Variants in STOX1 observed in about 807,000 individuals in gnomAD.
The protein encoded by STOX1 is storkhead box 1.
Under a neutral mutation model 74.8 loss-of-function variants are expected in STOX1, and 57 were observed. The ratio of observed to expected loss-of-function variants is 0.76; its 90% CI spans 0.62 to 0.95. The LOEUF (loss-of-function observed/expected upper bound fraction) is 0.95. Among genes scored for constraint, STOX1 ranks in the 40% least tolerant of loss-of-function variants. The probability of loss-of-function intolerance (pLI) is 0.00; values close to 1 mark genes in which losing one functional copy is unlikely to be tolerated. For synonymous variants in STOX1, 375 were observed against 401.3 expected, an observed-to-expected ratio of 0.93 and a Z score of 0.78; for missense variants, 1,010 against 1,117.0, an observed-to-expected ratio of 0.90 and a Z score of 1.37.
intron 1 of STOX1, among the ~76,000 whole-genome samples, chr10:68,873,626 T>TC (rs1459010339): frequency 6.7e-6 from 1 of 149,162 alleles, no homozygotes; most frequent in African/African-American, 2.5e-5. Context: ...GTCCTTTTTT[T>TC]TTCTTCTTCT....
rs561054324 is a variant in STOX1 at position 68,855,428 on chromosome 10, T to A, written c.311-26530T>A. Reference sequence around the variant, plus strand: ...GAGCCACGGTGCCTGGCCAAAAAAATTTTTTTAACTCTTAAAGACTTGTTT... The same window carrying A: ...GAGCCACGGTGCCTGGCCAAAAAAAATTTTTTAACTCTTAAAGACTTGTTT... On this transcript the variant is annotated intron_variant, in intron 1 of 3. Transcript: ENST00000298596. Among the ~76,000 whole-genome samples, 41 of 149,832 alleles carry A rather than the reference T, an allele frequency of 2.7e-4. 1 individual carries two copies. Among genetic ancestry groups the A allele is most frequent in the South Asian group, 2.1e-3 (10 of 4,730 alleles).
In STOX1 at chr10:68,884,698, A is replaced by G; in HGVS notation, c.902A>G (p.Tyr301Cys). The G allele has an allele frequency of 6.2e-7, 1 of 1,614,178 alleles. No individual in the cohort carries two copies. Among genetic ancestry groups the G allele is most frequent in the African/African-American group, 1.3e-5 (1 of 75,040 alleles). Reference protein sequence around the residue: ...HICESTKPLPYTRDKEKGKKF... With the variant: ...HICESTKPLPCTRDKEKGKKF... ...TGTGAGAGCACCAAACCTTTACCAT[A>G]CACAAGAGATAAAGAAAAAGGCAAG... The change falls in exon 3 of 4, where the codon TAC becomes TGC. Residue 301 changes from tyrosine to cysteine, a missense_variant. Coordinates refer to ENST00000298596, the MANE Select transcript of STOX1 (RefSeq NM_152709.5).
intron 1 of STOX1, chr10:68,828,318 G>A: frequency 1.8e-6 from 2 of 1,138,832 alleles, no homozygotes; most frequent in Non-Finnish European, 2.2e-6. Flanking sequence ...AGCTGTGAGC[G>A]CGGAGCTCCG....
intron 1 of STOX1, among the ~76,000 whole-genome samples, chr10:68,857,490 G>C (rs778094812): frequency 1.1e-4 from 17 of 152,010 alleles, no homozygotes; most frequent in Middle Eastern, 3.2e-3. Flanking sequence ...CCAAGGTCCT[G>C]GGCCTCATTT....
At chr10:68,880,762 G>A (rs566091124) in intron 1 of STOX1, among the ~76,000 whole-genome samples, 4 of 151,828 alleles carry the variant, frequency 2.6e-5, no homozygotes, top group Non-Finnish European at 4.4e-5. Flanking sequence ...GCGCCATCTC[G>A]GCTCACTGCA....
intron 1 of STOX1, among the ~76,000 whole-genome samples, chr10:68,872,726 G>A (rs1840566016): frequency 6.6e-6 from 1 of 152,084 alleles, no homozygotes. Flanking sequence ...GGATGTGGGT[G>A]CTTTTTGAAT....
At position 68,886,335 on chromosome 10, in the gene STOX1, T is replaced by C; in HGVS notation, c.2539T>C (p.Ser847Pro). Residue 847 changes from serine (S) to proline (P), a missense_variant, in exon 3 of 4, where the codon TCA (serine) becomes CCA (proline). By Grantham distance (74) the Ser-to-Pro change is moderately conservative. Coordinates refer to ENST00000298596, the MANE Select transcript of STOX1 (RefSeq NM_152709.5). ...CAGTGTTGCTAAATGTGTACAGGCC[T>C]CAGCACCTGCTGATGAAAGAATCTT... is the stretch of plus-strand genomic sequence containing the variant. Reference protein sequence around the residue: ...EPSVAKCVQASAPADERIFDY... With the variant: ...EPSVAKCVQAPAPADERIFDY... The C allele has an allele frequency of 6.2e-7, 1 of 1,614,188 alleles. No individual in the cohort carries two copies. Among genetic ancestry groups the C allele is most frequent in the Non-Finnish European group, 8.5e-7 (1 of 1,180,024 alleles).
At chr10:68,844,291 CTTCTTTTTTTTTTT>C (rs1426378276) in intron 1 of STOX1, among the ~76,000 whole-genome samples, 1 of 87,204 alleles carries the variant, frequency 1.1e-5, no homozygotes, top group Non-Finnish European at 2.4e-5. Context: ...ATGTCTGGAT[CTTCTTTTTTTTTTT>C]TTTTTTTTTT....
chr10:68,873,656 TTTTTTTTTTC>T (rs1176688795), intron 1 of STOX1, among the ~76,000 whole-genome samples: 6 of 143,346 alleles, frequency 4.2e-5, no homozygotes, highest in Non-Finnish European at 6.1e-5. Context: ...TTTTTCTTTT[TTTTTTTTTTC>T]TTTTTTTTGA....
At position 68,885,781 on chromosome 10, in the gene STOX1, C is replaced by A; in HGVS notation, c.1985C>A (p.Thr662Lys). 6.2e-7 allele frequency: 1 copy of A among 1,614,102 alleles called. No individual in the cohort carries two copies. The highest frequency in any genetic ancestry group is 8.5e-7 in the Non-Finnish European group (1 of 1,180,042). ...TCTGCTTGTAGATTAGTGGATAACA[C>A]AATACACCAGTTTCAAAATCTTGGC... ...TPSACRLVDN[T>K]IHQFQNLGLL... The change falls in exon 3 of 4, where the codon ACA becomes AAA. Residue 662 changes from threonine to lysine, a missense_variant. Physicochemically the swap from Thr to Lys is moderately conservative, Grantham distance 78. Transcript: ENST00000298596.
chr10:68,849,379 A>G (rs1839926371), intron 1 of STOX1, among the ~76,000 whole-genome samples: 2 of 152,186 alleles, frequency 1.3e-5, no homozygotes, highest in African/African-American at 4.8e-5. Context: ...CTCTTAGGCC[A>G]GTAATTCCCG....
intron 1 of STOX1, among the ~76,000 whole-genome samples, chr10:68,838,508 C>G (rs1451200592): frequency 6.6e-6 from 1 of 152,120 alleles, no homozygotes; most frequent in East Asian, 1.9e-4. Flanking sequence ...TATGTAAGAT[C>G]ATGTCATCTG....
At chr10:68,831,929 CTT>C (rs75873763) in intron 1 of STOX1, among the ~76,000 whole-genome samples, 24 of 143,276 alleles carry the variant, frequency 1.7e-4, no homozygotes, top group Non-Finnish European at 9.1e-5. Flanking sequence ...CTTTTCTTTT[CTT>C]TTTTTTTTTT....
intron 3 of STOX1, among the ~76,000 whole-genome samples, chr10:68,891,367 A>T (rs10998474): frequency 0.011 from 1,679 of 152,348 alleles, 33 homozygotes; most frequent in African/African-American, 0.038. Context: ...AGAACAAAGC[A>T]TGAGACTTTA....
At chr10:68,833,125 G>A (rs1212098411) in intron 1 of STOX1, among the ~76,000 whole-genome samples, 3 of 132,498 alleles carry the variant, frequency 2.3e-5, no homozygotes, top group South Asian at 2.3e-4. Context: ...TCACTCTGTC[G>A]CCCAGGCTGG....
intron 1 of STOX1, among the ~76,000 whole-genome samples, chr10:68,855,411 G>A (rs1840096260): frequency 6.6e-6 from 1 of 151,300 alleles, no homozygotes; most frequent in Non-Finnish European, 1.5e-5. Context: ...ATGAGCCACG[G>A]TGCCTGGCCA....
chr10:68,860,960 G>C (rs932044751), intron 1 of STOX1, among the ~76,000 whole-genome samples: 1 of 152,102 alleles, frequency 6.6e-6, no homozygotes, highest in African/African-American at 2.4e-5. Flanking sequence ...TGTAATCCCA[G>C]CTCTTTGGGA....
At chr10:68,872,512 ATTTTTGTAAT>A (rs992991226) in intron 1 of STOX1, among the ~76,000 whole-genome samples, 16 of 151,708 alleles carry the variant, frequency 1.1e-4, no homozygotes, top group African/African-American at 3.6e-4. Context: ...CGCCCAGCTA[ATTTTTGTAAT>A]TTTTAGTAGA....
intron 1 of STOX1, among the ~76,000 whole-genome samples, chr10:68,843,300 G>A (rs565526783): frequency 2.1e-4 from 32 of 152,276 alleles, no homozygotes; most frequent in Admixed American, 7.8e-4. Context: ...CCAAAGTGCT[G>A]GGATTATAGC....
Sources: allele counts gnomAD v4.1 joint callset (sites outside exome capture counted in the v4.1 genomes callset), GRCh38; gene constraint gnomAD v4.1.1; transcripts MANE v1.5; gene names NCBI Gene and HGNC (gene_info 2026-07-23, HGNC 2026-07-21).